The following SFXN1 variants were observed in gnomAD, a reference collection of about 807,000 sequenced individuals.
SFXN1 encodes the protein sideroflexin 1.
SFXN1 carries 32 observed loss-of-function variants against 39.5 expected under a neutral mutation model. The ratio of observed to expected loss-of-function variants is 0.81; its 90% CI spans 0.61 to 1.09. The LOEUF (loss-of-function observed/expected upper bound fraction) is 1.09. Ranked by LOEUF, SFXN1 falls within the 50% of genes least tolerant of loss-of-function variation. SFXN1 has a pLI of 0.00. For missense variants in SFXN1, 402 were observed against 407.1 expected, an observed-to-expected ratio of 0.99 and a Z score of 0.11; for synonymous variants, 136 against 146.5, an observed-to-expected ratio of 0.93 and a Z score of 0.52.
At chr5:175,514,784 C>G (rs1760661666) in intron 7 of SFXN1, among the ~76,000 whole-genome samples, 1 of 152,214 alleles carries the variant, frequency 6.6e-6, no homozygotes, top group Admixed American at 6.5e-5. Flanking sequence ...TCTGGTTTAA[C>G]ACAGGAGTGC....
intron 2 of SFXN1, among the ~76,000 whole-genome samples, chr5:175,493,081 G>A (rs1005814505): frequency 4.6e-5 from 7 of 152,036 alleles, no homozygotes; most frequent in East Asian, 1.9e-4. Flanking sequence ...GTGAAACCCC[G>A]TCTCTACTAA....
chr5:175,514,536 A>C (rs1047778187), intron 7 of SFXN1, among the ~76,000 whole-genome samples: 1 of 152,198 alleles, frequency 6.6e-6, no homozygotes, highest in Non-Finnish European at 1.5e-5. Flanking sequence ...TTCATCATCT[A>C]AACTGAATGC....
At position 175,527,165 on chromosome 5, in the gene SFXN1, T is replaced by C. The variant is rs1311066695; in HGVS notation, c.*431T>C. ...TTGCAAATCAAGGAGATCTCAGCAG[T>C]GAACTGGGAAAATACAAAAGCTCTG... is the stretch of plus-strand genomic sequence containing the variant. On this transcript the variant is annotated 3_prime_UTR_variant, in exon 11 of 11. Transcript: ENST00000321442. 1.3e-5 allele frequency: 2 copies of C among 157,634 alleles called. No homozygotes were observed. Among genetic ancestry groups the C allele is most frequent in the Admixed American group, 6.1e-5 (1 of 16,376 alleles). The allele number at this position is 157,634 out of a possible 1,614,324, so 9.8% of individuals were successfully genotyped here. A position where few individuals can be genotyped will look rare whatever the true frequency, so the allele number is the denominator to read the frequency against.
chr5:175,479,156 A>G (rs1759140087), intron 1 of SFXN1, among the ~76,000 whole-genome samples: 1 of 152,244 alleles, frequency 6.6e-6, no homozygotes, highest in Non-Finnish European at 1.5e-5. Flanking sequence ...GCAAGGAAGT[A>G]GATTCTTGGA....
At chr5:175,525,036 T>C (rs1761017056) in intron 10 of SFXN1, among the ~76,000 whole-genome samples, 1 of 152,164 alleles carries the variant, frequency 6.6e-6, no homozygotes, top group African/African-American at 2.4e-5. Flanking sequence ...AAACAGGTAG[T>C]TTTACAGGTA....
intron 2 of SFXN1, among the ~76,000 whole-genome samples, chr5:175,504,911 G>C (rs1423038207): frequency 6.6e-6 from 1 of 151,960 alleles, no homozygotes; most frequent in Non-Finnish European, 1.5e-5. Flanking sequence ...TGTATTTTTA[G>C]TAGAGACGAG....
rs143270066 is a variant in SFXN1 at position 175,511,437 on chromosome 5, T to C, written c.435-14T>C. On this transcript the variant is annotated splice_polypyrimidine_tract_variant and intron_variant, in intron 4 of 10. Coordinates refer to ENST00000321442, the MANE Select transcript of SFXN1 (RefSeq NM_022754.7). Reference sequence around the variant, plus strand: ...TGCCCTCGTCGTCCACACGATATCCTTTTTTCTTTTCAGTGAGTTGGGAAC... The same window carrying C: ...TGCCCTCGTCGTCCACACGATATCCCTTTTTCTTTTCAGTGAGTTGGGAAC... 5 of 1,611,500 alleles carry C rather than the reference T, an allele frequency of 3.1e-6. No individual in the cohort carries two copies. In the African/African-American group the frequency reaches 6.7e-5, roughly 21 times the overall value.
chr5:175,510,739 A>C (rs1474992839), intron 4 of SFXN1, among the ~76,000 whole-genome samples: 1 of 152,240 alleles, frequency 6.6e-6, no homozygotes, highest in Non-Finnish European at 1.5e-5. Flanking sequence ...TGTTAAAAAA[A>C]AAATAGGCTC....
chr5:175,516,759 C>T (rs1760727286), intron 8 of SFXN1, 96 bp downstream of exon 8: 5 of 1,258,380 alleles, frequency 4.0e-6, no homozygotes, highest in South Asian at 1.4e-5. Context: ...AGTAAAGAAG[C>T]CGAAGGCCAG....
intron 1 of SFXN1, among the ~76,000 whole-genome samples, chr5:175,490,352 G>A (rs185287090): frequency 1.3e-5 from 2 of 152,324 alleles, no homozygotes; most frequent in East Asian, 3.9e-4. Flanking sequence ...TGTTACCCCA[G>A]CCTGCTCTAG....
At position 175,522,403 on chromosome 5, in the gene SFXN1, G is replaced by A. The variant is rs775495631; in HGVS notation, c.853G>A (p.Ala285Thr). The A allele has an allele frequency of 6.2e-7, 1 of 1,611,746 alleles. No individual in the cohort carries two copies. Among genetic ancestry groups the A allele is most frequent in the South Asian group, 1.1e-5 (1 of 90,552 alleles). Reference protein sequence around the residue: ...CLVFATPLCCALFPQKSSMSV... With the variant: ...CLVFATPLCCTLFPQKSSMSV... ...GGTGTTTGCTACACCCCTGTGTTGT[G>A]CCCTGTTTCCTCAGAAAAGGTATGT... Residue 285 changes from alanine to threonine, a missense_variant, in exon 10 of 11, where the codon GCC becomes ACC. By Grantham distance (58) the Ala-to-Thr change is moderately conservative. Coordinates refer to ENST00000321442, the MANE Select transcript of SFXN1 (RefSeq NM_022754.7).
At chr5:175,507,975 A>AAATAAAAAT (rs35478889) in intron 2 of SFXN1, among the ~76,000 whole-genome samples, 19,982 of 71,464 alleles carry the variant, frequency 0.28, 1,487 homozygotes, top group South Asian at 0.44. Flanking sequence ...CCTGTCTTTA[A>AAATAAAAAT]AAAAAAAAAA....
In SFXN1 at chr5:175,519,858, T is replaced by C. The variant is rs557251208; in HGVS notation, c.775-2061T>C. On this transcript the variant is annotated intron_variant, in intron 8 of 10. Transcript: ENST00000321442. ...TAGAGTCACTAACTTTTCAGGGGGT[T>C]TTTTGCTTTTTTTTTTTTTTTTTTT... Among the ~76,000 whole-genome samples, 238 of 150,324 alleles carry C rather than the reference T, an allele frequency of 1.6e-3. 1 individual carries two copies. Among genetic ancestry groups the C allele is most frequent in the African/African-American group, 5.6e-3 (229 of 40,532 alleles).
intron 2 of SFXN1, among the ~76,000 whole-genome samples, chr5:175,496,223 AATAG>A (rs531779217): frequency 1.9e-3 from 288 of 152,118 alleles, no homozygotes; most frequent in African/African-American, 6.0e-3. Flanking sequence ...AAAAAATTGT[AATAG>A]ATAGCCAGGC....
chr5:175,492,621 G>A (rs770707407), intron 2 of SFXN1: 6 of 172,824 alleles, frequency 3.5e-5, no homozygotes, highest in Middle Eastern at 2.7e-3. Context: ...AACAGAAACA[G>A]CATTATGCAA....
chr5:175,480,442 G>C (rs1754331112), intron 1 of SFXN1, among the ~76,000 whole-genome samples: 1 of 151,752 alleles, frequency 6.6e-6, no homozygotes, highest in Non-Finnish European at 1.5e-5. Flanking sequence ...GGAGCTATCA[G>C]CTCCCATCTC....
intron 3 of SFXN1, 26 bp downstream of exon 3, chr5:175,509,228 T>A: frequency 6.4e-7 from 1 of 1,569,682 alleles, no homozygotes; most frequent in Non-Finnish European, 8.6e-7. Context: ...GTAGCAACAG[T>A]GTGTTTACCA....
chr5:175,486,416 A>G (rs931151151), intron 1 of SFXN1, among the ~76,000 whole-genome samples: 5 of 152,120 alleles, frequency 3.3e-5, no homozygotes, highest in Non-Finnish European at 7.3e-5. Context: ...TGGATAAATC[A>G]TTTTTCAGAC....
intron 7 of SFXN1, among the ~76,000 whole-genome samples, chr5:175,514,977 G>T (rs1026764378): frequency 2.0e-5 from 3 of 152,210 alleles, no homozygotes; most frequent in Non-Finnish European, 2.9e-5. Context: ...CTGAAATCGA[G>T]GTTGCGGCTC....
Sources: allele counts gnomAD v4.1 joint callset (sites outside exome capture counted in the v4.1 genomes callset), GRCh38; gene constraint gnomAD v4.1.1; transcripts MANE v1.5; gene names NCBI Gene and HGNC (gene_info 2026-07-23, HGNC 2026-07-21).